CSMD1: variants seen among roughly 807,000 people sequenced by gnomAD.
The protein encoded by CSMD1 is CUB and Sushi multiple domains 1.
In CSMD1, 213 loss-of-function variants were observed where a neutral mutation model predicts 417.5. The ratio of observed to expected loss-of-function variants is 0.51; its 90% confidence interval spans 0.46 to 0.57. CSMD1 has a LOEUF of 0.57. CSMD1 is among the 20% of genes least tolerant of loss of function. CSMD1 has a pLI of 0.00. For synonymous variants in CSMD1, 2,862 were observed against 1,736.8 expected (o/e 1.65, Z -16.11); for missense variants, 6,923 against 4,529.7 (o/e 1.53, Z -15.17).
At position 3,308,205 on chromosome 8, in the gene CSMD1, G is replaced by C. The variant is rs117953967; in HGVS notation, c.3823+107C>G. 17 of 829,942 alleles carry C rather than the reference G, an allele frequency of 2.0e-5. No homozygotes were observed. The Middle Eastern group carries it at 1.1e-3, about 54-fold the overall frequency. 51.4% of individuals were successfully genotyped at this position (829,942 alleles called of 1,614,324 possible). A position where few individuals can be genotyped will look rare whatever the true frequency, so the allele number is the denominator to read the frequency against. ...GAATACATAAAACTCACACTGGAAA[G>C]TGTGATAAAATTCCTCCTCTTTTCC... On this transcript the variant is annotated intron_variant, in intron 24 of 69. Coordinates refer to ENST00000635120, the MANE Select transcript of CSMD1 (RefSeq NM_033225.6).
chr8:3,514,311 T>C (rs1027854018), intron 10 of CSMD1, among the ~76,000 whole-genome samples: 2 of 152,204 alleles, frequency 1.3e-5, no homozygotes, highest in African/African-American at 4.8e-5. Context: ...TTGCAGCTAG[T>C]AGATATTTTT....
At chr8:4,323,710 G>T (rs114371954) in intron 3 of CSMD1, among the ~76,000 whole-genome samples, 2 of 151,926 alleles carry the variant, frequency 1.3e-5, no homozygotes, top group Non-Finnish European at 2.9e-5. Context: ...GAAGGAAGCC[G>T]AGAGGGTATG....
At chr8:4,523,597 G>A (rs1203362837) in intron 2 of CSMD1, among the ~76,000 whole-genome samples, 1 of 152,090 alleles carries the variant, frequency 6.6e-6, no homozygotes, top group African/African-American at 2.4e-5. Flanking sequence ...GAATATTAGT[G>A]TGGTAGAAGA....
intron 2 of CSMD1, among the ~76,000 whole-genome samples, chr8:4,517,022 T>C (rs1007537188): frequency 1.3e-5 from 2 of 152,142 alleles, no homozygotes; most frequent in African/African-American, 4.8e-5. Flanking sequence ...TAGTTTAAGA[T>C]TTGGAAGACT....
intron 1 of CSMD1, among the ~76,000 whole-genome samples, chr8:4,652,913 G>A (rs1585397426): frequency 6.6e-6 from 1 of 151,348 alleles, no homozygotes; most frequent in African/African-American, 2.5e-5. Flanking sequence ...TGATGTGGTG[G>A]GGTGGAGTTC....
intron 3 of CSMD1, among the ~76,000 whole-genome samples, chr8:4,258,733 T>G (rs1803662025): frequency 6.6e-6 from 1 of 151,986 alleles, no homozygotes; most frequent in South Asian, 2.1e-4. Flanking sequence ...AACACAGCAA[T>G]GTATGAGGAC....
chr8:3,911,107 G>A (rs1298714073), intron 5 of CSMD1, among the ~76,000 whole-genome samples: 2 of 152,116 alleles, frequency 1.3e-5, no homozygotes, highest in African/African-American at 4.8e-5. Context: ...GGCAGCTGTG[G>A]TTTACTGGAC....
At chr8:4,974,018 A>T (rs1001939773) in intron 1 of CSMD1, among the ~76,000 whole-genome samples, 1 of 152,006 alleles carries the variant, frequency 6.6e-6, no homozygotes, top group Non-Finnish European at 1.5e-5. Context: ...TCTGGAAATT[A>T]TTTTATTTAC....
chr8:4,026,214 C>T (rs762119986), intron 4 of CSMD1, among the ~76,000 whole-genome samples: 3 of 152,224 alleles, frequency 2.0e-5, no homozygotes, highest in Non-Finnish European at 4.4e-5. Flanking sequence ...TATCCAAATC[C>T]ATGAGAAACT....
chr8:4,220,104 C>G (rs953120539), intron 3 of CSMD1, among the ~76,000 whole-genome samples: 1 of 152,150 alleles, frequency 6.6e-6, no homozygotes, highest in African/African-American at 2.4e-5. Context: ...CACGTGCCAC[C>G]ATGCCCAGCT....
chr8:4,872,258 G>A (rs1054184061), intron 1 of CSMD1, among the ~76,000 whole-genome samples: 9 of 152,058 alleles, frequency 5.9e-5, no homozygotes, highest in Non-Finnish European at 1.2e-4. Context: ...CTCTGTGTGT[G>A]TTTTTGCAAT....
intron 6 of CSMD1, among the ~76,000 whole-genome samples, chr8:3,715,378 C>T (rs1209181126): frequency 6.6e-6 from 1 of 152,162 alleles, no homozygotes; most frequent in South Asian, 2.1e-4. Context: ...AAAACCTGAG[C>T]CTCCAGGTCT....
chr8:3,302,980 G>A (rs1804534299), intron 25 of CSMD1, among the ~76,000 whole-genome samples: 1 of 152,174 alleles, frequency 6.6e-6, no homozygotes, highest in Admixed American at 6.5e-5. Flanking sequence ...CAGAGCCCCA[G>A]GTTAAAGGGG....
chr8:3,813,022 T>G (rs569215092), intron 5 of CSMD1, among the ~76,000 whole-genome samples: 1 of 152,048 alleles, frequency 6.6e-6, no homozygotes, highest in Non-Finnish European at 1.5e-5. Flanking sequence ...TAATGGTATA[T>G]TGTGACAGCA....
At chr8:4,420,140 C>G (rs1797166222) in intron 2 of CSMD1, 75 bp from the exon 3 acceptor site, 3 of 1,003,202 alleles carry the variant, frequency 3.0e-6, no homozygotes, top group South Asian at 1.4e-5. Context: ...GATGAAGTCA[C>G]TGAATAACTT....
chr8:4,791,445 G>C (rs6999966), intron 1 of CSMD1, among the ~76,000 whole-genome samples: 4 of 152,148 alleles, frequency 2.6e-5, no homozygotes, highest in Non-Finnish European at 4.4e-5. Context: ...TGGTCTATAA[G>C]GTTTGTGATC....
At chr8:3,999,349 C>A (rs551319285) in intron 4 of CSMD1, among the ~76,000 whole-genome samples, 2 of 152,122 alleles carry the variant, frequency 1.3e-5, no homozygotes, top group African/African-American at 4.8e-5. Flanking sequence ...CCCTACCCAC[C>A]CTCTCTCCAC....
intron 49 of CSMD1, among the ~76,000 whole-genome samples, chr8:3,083,941 G>C (rs1450513264): frequency 6.6e-6 from 1 of 151,886 alleles, no homozygotes; most frequent in African/African-American, 2.4e-5. Context: ...TTGGAATACA[G>C]GTGTCAGCCA....
chr8:4,575,281 T>C (rs901688657), intron 2 of CSMD1, among the ~76,000 whole-genome samples: 5 of 152,254 alleles, frequency 3.3e-5, no homozygotes, highest in Admixed American at 6.5e-5. Context: ...TATTTTCATA[T>C]ATGATTGGTG....
Sources: allele counts gnomAD v4.1 joint callset (sites outside exome capture counted in the v4.1 genomes callset), GRCh38; gene constraint gnomAD v4.1.1; transcripts MANE v1.5; gene names NCBI Gene and HGNC (gene_info 2026-07-23, HGNC 2026-07-21).